PDCD4: variants seen among roughly 807,000 people sequenced by gnomAD.
PDCD4 encodes programmed cell death 4.
PDCD4 carries 56 observed loss-of-function variants against 54.0 expected under a neutral mutation model. The observed-to-expected ratio is 1.04, with a 90% CI of 0.84 to 1.30. PDCD4 has a LOEUF of 1.30. Ranked by LOEUF, PDCD4 falls within the 50% of genes most tolerant of loss-of-function variation. The pLI, the probability that PDCD4 is intolerant of heterozygous loss-of-function variation, is 0.00. For missense variants in PDCD4, 584 were observed against 559.8 expected (o/e 1.04, Z -0.44); for synonymous variants, 186 against 194.8 (o/e 0.95, Z 0.37).
In PDCD4 at chr10:110,881,464, C is replaced by T. The variant is rs1845590544; in HGVS notation, c.275C>T (p.Pro92Leu). The T allele has an allele frequency of 1.2e-6, 2 of 1,614,016 alleles. No homozygotes were observed. The highest frequency in any genetic ancestry group is 1.7e-5 in the Admixed American group (1 of 60,000). Residue 92 changes from proline (P) to leucine (L), a missense_variant, in exon 3 of 12, where the codon CCA becomes CTA. Physicochemically the swap from Pro to Leu is moderately conservative, Grantham distance 98 (BLOSUM62 -3). Coordinates refer to ENST00000280154, the MANE Select transcript of PDCD4 (RefSeq NM_014456.5). The stretch of plus-strand genomic sequence containing the variant: ...GCCCTTAGAAGTGGATTAACTGTGC[C>T]AACCAGTCCAAAGGGAAGGTTGCTG... ...SDALRSGLTV[P>L]TSPKGRLLDR...
chr10:110,896,389 G>C (rs1845832505), intron 11 of PDCD4, among the ~76,000 whole-genome samples: 1 of 152,132 alleles, frequency 6.6e-6, no homozygotes, highest in Non-Finnish European at 1.5e-5. Flanking sequence ...GGCTTAGGGA[G>C]GTATAATGTA....
chr10:110,891,127 G>A (rs1360160646), intron 8 of PDCD4, among the ~76,000 whole-genome samples: 1 of 152,156 alleles, frequency 6.6e-6, no homozygotes, highest in Non-Finnish European at 1.5e-5. Flanking sequence ...CCATATGCAT[G>A]TTTTAAAAGA....
intron 1 of PDCD4, chr10:110,872,369 C>T (rs1590723017): frequency 6.6e-6 from 1 of 152,296 alleles, no homozygotes; most frequent in South Asian, 2.1e-4. Flanking sequence ...TCCTCCCCCT[C>T]TGGCGGAGGT....
chr10:110,885,389 AATTT>A (rs1308166984), intron 5 of PDCD4, 23 bp downstream of exon 5: 1 of 1,050,154 alleles, frequency 9.5e-7, no homozygotes, highest in Non-Finnish European at 1.5e-6. Flanking sequence ...TTGCAAGTAT[AATTT>A]ATTTAATATA....
In PDCD4 at chr10:110,898,240, T is replaced by G. The variant is rs554044351; in HGVS notation, c.*152T>G. 2.4e-6 allele frequency: 1 copy of G among 424,278 alleles called. No homozygotes were observed. The highest frequency in any genetic ancestry group is 2.0e-5 in the African/African-American group (1 of 48,880). The allele number at this position is 424,278 out of a possible 1,614,324, so 26.3% of individuals were successfully genotyped here. ...TTATAAACCTACATTTAAGGGGAAT[T>G]TTTAAAGGAAATGTTTTTTCTTTTT... On this transcript the variant is annotated 3_prime_UTR_variant, in exon 12 of 12. Coordinates refer to ENST00000280154, the MANE Select transcript of PDCD4 (RefSeq NM_014456.5).
intron 1 of PDCD4, among the ~76,000 whole-genome samples, chr10:110,874,811 C>CA (rs1845476930): frequency 1.3e-5 from 2 of 152,196 alleles, no homozygotes; most frequent in South Asian, 4.1e-4. Context: ...ATTTAAAAGT[C>CA]AGTTTCACCT....
chr10:110,889,315 T>C (rs1845720123), intron 6 of PDCD4, among the ~76,000 whole-genome samples: 2 of 151,792 alleles, frequency 1.3e-5, no homozygotes, highest in Admixed American at 1.3e-4. Flanking sequence ...AAAACAGATG[T>C]GGCCCCCACT....
At chr10:110,872,729 T>C (rs756462577) in intron 1 of PDCD4, among the ~76,000 whole-genome samples, 3 of 152,236 alleles carry the variant, frequency 2.0e-5, no homozygotes, top group African/African-American at 4.8e-5. Context: ...GCAAAGGGTC[T>C]CTTTTTTTTA....
intron 2 of PDCD4, chr10:110,876,638 A>T: frequency 1.4e-6 from 1 of 691,326 alleles, no homozygotes; most frequent in Non-Finnish European, 2.1e-6. Flanking sequence ...TATCTTTCCT[A>T]ACAAATAATT....
chr10:110,896,165 T>G, intron 11 of PDCD4, 78 bp downstream of exon 11: 1 of 1,115,292 alleles, frequency 9.0e-7, no homozygotes, highest in Non-Finnish European at 1.3e-6. Flanking sequence ...TAAGTTAGTT[T>G]ATCGTTCCCT....
At chr10:110,872,689 C>T (rs1845437295) in intron 1 of PDCD4, among the ~76,000 whole-genome samples, 1 of 152,230 alleles carries the variant, frequency 6.6e-6, no homozygotes, top group African/African-American at 2.4e-5. Context: ...CGCCCCATCC[C>T]TGCGCGAACT....
At chr10:110,886,402 A>T (rs184929827) in intron 5 of PDCD4, among the ~76,000 whole-genome samples, 1 of 152,244 alleles carries the variant, frequency 6.6e-6, no homozygotes, top group Admixed American at 6.5e-5. Flanking sequence ...TTTTCCAGGA[A>T]AGAGGAGTAT....
rs1416053062 is a variant in PDCD4, at chr10:110,890,603, G to A, written c.923G>A (p.Gly308Glu). The change falls in exon 8 of 12, where the codon GGA (glycine) becomes GAA (glutamate). Residue 308 changes from glycine to glutamate, a missense_variant. Coordinates refer to ENST00000280154, the MANE Select transcript of PDCD4 (RefSeq NM_014456.5). ...ATVLLSMSKG[G>E]KRKDSVWGSG... is the part of the protein sequence containing the mutation. ...GTGCTTCTGAGTATGTCTAAAGGTG[G>A]AAAGCGTAAAGATAGTGTGTGGGGC... 3.1e-6 allele frequency: 5 copies of A among 1,613,600 alleles called. No homozygotes were observed. In the African/African-American group the frequency reaches 4.0e-5, roughly 13 times the overall value.
Position 110,876,052 on chromosome 10 carries a change from C to G in PDCD4, c.25C>G (p.Leu9Val). 6.2e-7 allele frequency: 1 copy of G among 1,610,236 alleles called. No homozygotes were observed. Among genetic ancestry groups the G allele is most frequent in the East Asian group, 2.2e-5 (1 of 44,546 alleles). Residue 9 changes from leucine (L) to valine (V), a missense_variant, in exon 2 of 12, where the codon CTG (leucine) becomes GTG (valine). Physicochemically the swap from Leu to Val is conservative, Grantham distance 32 (BLOSUM62 1). Transcript: ENST00000280154. ...AATGGATGTAGAAAATGAGCAGATA[C>G]TGAATGTAAACCCTGCAGGTAAGTA... MDVENEQI[L>V]NVNPADPDNL...
chr10:110,888,305 T>C (rs1845702235), intron 6 of PDCD4, among the ~76,000 whole-genome samples: 1 of 152,172 alleles, frequency 6.6e-6, no homozygotes, highest in Non-Finnish European at 1.5e-5. Flanking sequence ...AAATTGTTGC[T>C]ATTGTCAAAA....
intron 1 of PDCD4, among the ~76,000 whole-genome samples, chr10:110,872,622 G>A (rs570461098): frequency 1.8e-4 from 28 of 152,342 alleles, no homozygotes; most frequent in Admixed American, 7.8e-4. Context: ...CGGCCGCTGT[G>A]GGGAGGGGCC....
chr10:110,889,316 G>A (rs1429421313), intron 6 of PDCD4, among the ~76,000 whole-genome samples: 1 of 151,776 alleles, frequency 6.6e-6, no homozygotes, highest in Non-Finnish European at 1.5e-5. Flanking sequence ...AAACAGATGT[G>A]GCCCCCACTC....
chr10:110,874,983 C>T (rs985285050), intron 1 of PDCD4, among the ~76,000 whole-genome samples: 3 of 152,070 alleles, frequency 2.0e-5, no homozygotes, highest in Non-Finnish European at 2.9e-5. Flanking sequence ...TGCTAGCAAC[C>T]TGATTGTAAA....
At chr10:110,892,591 G>A (rs1254439603) in intron 8 of PDCD4, among the ~76,000 whole-genome samples, 2 of 152,164 alleles carry the variant, frequency 1.3e-5, no homozygotes, top group African/African-American at 4.8e-5. Context: ...GTACAGTCAC[G>A]TGCCACATTA....
Sources: gnomAD v4.1 joint callset for allele counts (sites outside exome capture counted in the v4.1 genomes callset) on GRCh38, gnomAD v4.1.1 for gene constraint, MANE v1.5 for transcripts, NCBI Gene and HGNC (gene_info 2026-07-23, HGNC 2026-07-21) for gene names.